Variants in TMC3 observed in about 807,000 individuals in gnomAD.
TMC3 encodes transmembrane channel-like protein 3.
Under a neutral mutation model 110.6 loss-of-function variants are expected in TMC3, and 98 were observed. That is an observed-to-expected ratio of 0.89 (90% confidence interval 0.75 to 1.05). The LOEUF (loss-of-function observed/expected upper bound fraction) is 1.05, where lower values mean the gene tolerates loss of function less well. Ranked by LOEUF, TMC3 falls within the 50% of genes least tolerant of loss-of-function variation. The pLI is 0.00. For missense variants in TMC3, 1,319 were observed against 1,373.2 expected, an observed-to-expected ratio of 0.96 and a Z score of 0.62; for synonymous variants, 489 against 513.1, an observed-to-expected ratio of 0.95 and a Z score of 0.63.
At chr15:81,369,584 T>G (rs1894390392) in intron 2 of TMC3, among the ~76,000 whole-genome samples, 1 of 152,156 alleles carries the variant, frequency 6.6e-6, no homozygotes, top group South Asian at 2.1e-4. Flanking sequence ...AAACATTTTA[T>G]GCACACCTAT....
intron 9 of TMC3, among the ~76,000 whole-genome samples, chr15:81,354,313 AG>A (rs966479866): frequency 1.3e-5 from 2 of 152,172 alleles, no homozygotes; most frequent in African/African-American, 4.8e-5. Context: ...AGCAGGAGAG[AG>A]GGGCCATCAG....
At chr15:81,333,589 A>G (rs997328482) in intron 21 of TMC3, among the ~76,000 whole-genome samples, 11 of 152,220 alleles carry the variant, frequency 7.2e-5, no homozygotes, top group Admixed American at 7.2e-4. Flanking sequence ...TGTGAAGCAC[A>G]TGTTAGGAAC....
In TMC3 at chr15:81,374,136, C is replaced by A; in HGVS notation, c.-59G>T. 2.0e-6 allele frequency: 3 copies of A among 1,501,202 alleles called. No homozygotes were observed. The highest frequency in any genetic ancestry group is 2.8e-6 in the Non-Finnish European group (3 of 1,084,942). The allele number at this position is 1,501,202 out of a possible 1,614,324, so 93.0% of individuals were successfully genotyped here. On this transcript the variant is annotated 5_prime_UTR_variant, in exon 1 of 22. Coordinates refer to ENST00000359440, the MANE Select transcript of TMC3 (RefSeq NM_001080532.3). ...GCCAGAGAGCTAGGAAGTTGGCAGG[C>A]AAAGGTCTGTTCCGAGGTTTCTGAA...
intron 4 of TMC3, among the ~76,000 whole-genome samples, chr15:81,361,416 C>A (rs1241285129): frequency 6.6e-6 from 1 of 152,142 alleles, no homozygotes; most frequent in Admixed American, 6.5e-5. Flanking sequence ...TTTTTGCTTA[C>A]TCCTTTGATT....
At chr15:81,349,673 C>T (rs1475711909) in intron 10 of TMC3, 106 bp from the exon 11 acceptor site, 4 of 594,654 alleles carry the variant, frequency 6.7e-6, no homozygotes, top group African/African-American at 1.9e-5. Flanking sequence ...TGGCTTTCCA[C>T]AGGGTCCTTG....
chr15:81,368,460 G>A (rs1894365394), intron 2 of TMC3, 132 bp from the exon 3 acceptor site: 1 of 639,250 alleles, frequency 1.6e-6, no homozygotes, highest in East Asian at 2.9e-5. Flanking sequence ...TGCCATGAGA[G>A]AATGGAGTTA....
chr15:81,336,732 A>G, intron 19 of TMC3, 81 bp from the exon 20 acceptor site: 1 of 1,390,500 alleles, frequency 7.2e-7, no homozygotes, highest in Non-Finnish European at 1.0e-6. Flanking sequence ...GAAGAGAAAA[A>G]GATTTACATG....
At chr15:81,346,860 T>C (rs1303333682) in intron 11 of TMC3, among the ~76,000 whole-genome samples, 1 of 152,240 alleles carries the variant, frequency 6.6e-6, no homozygotes, top group Non-Finnish European at 1.5e-5. Context: ...AAGGGACAAG[T>C]GTATTGAAGC....
At chr15:81,362,754 A>G (rs1461241912) in intron 3 of TMC3, among the ~76,000 whole-genome samples, 1 of 152,182 alleles carries the variant, frequency 6.6e-6, no homozygotes, top group African/African-American at 2.4e-5. Flanking sequence ...AATCCACTTG[A>G]TCCTGTCATA....
chr15:81,343,799 C>A, intron 14 of TMC3, 118 bp downstream of exon 14: 2 of 1,130,362 alleles, frequency 1.8e-6, no homozygotes, highest in Non-Finnish European at 2.5e-6. Flanking sequence ...TCTCTTCCCA[C>A]TTGTATTCTC....
rs1354725767 is a variant in TMC3, at chr15:81,339,480, C to A, written c.1869G>T (p.Met623Ile). 7.5e-6 allele frequency: 12 copies of A among 1,605,780 alleles called. No individual in the cohort carries two copies. Among genetic ancestry groups the A allele is most frequent in the Admixed American group, 1.7e-5 (1 of 58,874 alleles). ...ASRSNNFYLA[M>I]LLFMLFLCML... Reference sequence around the variant, plus strand: ...TGCACAGAAACAGCATAAACAGGAGCATTGCCAAGTAGAAGTTGTTGGATC... The same window carrying A: ...TGCACAGAAACAGCATAAACAGGAGAATTGCCAAGTAGAAGTTGTTGGATC... Residue 623 changes from methionine to isoleucine, a missense_variant, in exon 17 of 22, where the codon ATG (methionine) becomes ATT (isoleucine). By Grantham distance (10) the Met-to-Ile change is conservative. Transcript: ENST00000359440.
At chr15:81,339,613 C>A in intron 16 of TMC3, 109 bp from the exon 17 acceptor site, 1 of 787,252 alleles carries the variant, frequency 1.3e-6, no homozygotes, top group South Asian at 1.5e-5. Flanking sequence ...TCTTTGCAAA[C>A]TAAAAATCCT....
At chr15:81,345,157 A>G in intron 12 of TMC3, 146 bp from the exon 13 acceptor site, 1 of 1,380,654 alleles carries the variant, frequency 7.2e-7, no homozygotes, top group Non-Finnish European at 9.6e-7. Context: ...CTCTTTCTAG[A>G]CCATCACTTG....
At chr15:81,359,211 A>G (rs1854440680) in intron 5 of TMC3, among the ~76,000 whole-genome samples, 154 bp downstream of exon 5, 1 of 152,188 alleles carries the variant, frequency 6.6e-6, no homozygotes, top group Admixed American at 6.5e-5. Context: ...TAAAGTATTT[A>G]TTCTGTGGTC....
At chr15:81,339,585 A>G (rs1893670146) in intron 16 of TMC3, 81 bp from the exon 17 acceptor site, 1 of 1,089,444 alleles carries the variant, frequency 9.2e-7, no homozygotes, top group Non-Finnish European at 1.4e-6. Flanking sequence ...GAGCTGCCAC[A>G]GAAACGGTTG....
intron 7 of TMC3, among the ~76,000 whole-genome samples, chr15:81,357,696 G>A (rs1894095545): frequency 6.6e-6 from 1 of 152,196 alleles, no homozygotes; most frequent in Non-Finnish European, 1.5e-5. Flanking sequence ...AGAATTTGTA[G>A]CTAGGTCACA....
rs539551816 is a variant in TMC3, at chr15:81,359,277, C to T, written c.501+88G>A. ...TTACACAAACACATATATTTTCATC[C>T]CCACAATGATAACCAGAGGAGCCAT... On this transcript the variant is annotated intron_variant, in intron 5 of 21. Transcript: ENST00000359440. The T allele has an allele frequency of 4.2e-6, 4 of 945,294 alleles. No individual in the cohort carries two copies. The African/African-American group carries it at 6.8e-5, about 16-fold the overall frequency. The allele number at this position is 945,294 out of a possible 1,614,324, so 58.6% of individuals were successfully genotyped here. A position where few individuals can be genotyped will look rare whatever the true frequency, so the allele number is the denominator to read the frequency against.
intron 16 of TMC3, among the ~76,000 whole-genome samples, chr15:81,340,501 G>C (rs972383893): frequency 6.6e-6 from 1 of 152,178 alleles, no homozygotes; most frequent in East Asian, 1.9e-4. Context: ...GAAAGCCACT[G>C]ATATAGACAC....
chr15:81,349,460 T>C lies in TMC3; in HGVS notation c.1191A>G (p.Ala397=). 1 of 1,508,228 alleles carries C rather than the reference T, an allele frequency of 6.6e-7. No individual in the cohort carries two copies. Among genetic ancestry groups the C allele is most frequent in the Non-Finnish European group, 8.9e-7 (1 of 1,127,104 alleles). The allele number at this position is 1,508,228 out of a possible 1,614,324, so 93.4% of individuals were successfully genotyped here. The change falls in exon 11 of 22, where the codon GCA becomes GCG. Residue 397 remains alanine (A), a splice_region_variant and synonymous_variant. Transcript: ENST00000359440. ...HPRTTLRFQL[A]RVLVLYLGNL... is the part of the protein sequence containing the mutation. ...ATTTCTGGGCAGGACTGTTGTACCT[T>C]GCAAGCTGGAAGCGCAGCGTGGTCC...
Sources: allele counts gnomAD v4.1 joint callset (sites outside exome capture counted in the v4.1 genomes callset), GRCh38; gene constraint gnomAD v4.1.1; transcripts MANE v1.5; gene names NCBI Gene and HGNC (gene_info 2026-07-23, HGNC 2026-07-21).